The following CNTNAP3B variants were observed in gnomAD, a reference collection of about 807,000 sequenced individuals.
CNTNAP3B encodes contactin-associated protein-like 3B.
Under a neutral mutation model 108.9 loss-of-function variants are expected in CNTNAP3B, and 25 were observed. The ratio of observed to expected loss-of-function variants is 0.23; its 90% confidence interval spans 0.17 to 0.32. The LOEUF is 0.32. CNTNAP3B is among the 10% of genes least tolerant of loss of function. The pLI, the probability that CNTNAP3B is intolerant of heterozygous loss-of-function variation, is 1.00. For missense variants in CNTNAP3B, 252 were observed against 1,210.4 expected, an observed-to-expected ratio of 0.21 and a Z score of 11.75; for synonymous variants, 103 against 473.4, an observed-to-expected ratio of 0.22 and a Z score of 10.16.
At position 42,129,122 on chromosome 9, in the gene CNTNAP3B, C is replaced by T. The variant is rs1277599133; in HGVS notation, c.-28G>A. The T allele has an allele frequency of 1.3e-6, 2 of 1,542,208 alleles. No homozygotes were observed. The highest frequency in any genetic ancestry group is 1.8e-5 in the Admixed American group (1 of 56,526). ...TCACTTCAGCCAGGCGCCCTGAGAC[C>T]CGGGCACGGCGACGGCCGCTCTGCG... On this transcript the variant is annotated 5_prime_UTR_variant, in exon 1 of 24. Coordinates refer to ENST00000377561, the MANE Select transcript of CNTNAP3B (RefSeq NM_001201380.3).
rs1169136329 is a variant in CNTNAP3B at position 42,072,345 on chromosome 9, C to CTA, written c.390+4522_390+4523dup. Among the ~76,000 whole-genome samples the CTA allele has an allele frequency of 8.3e-4, 82 of 98,340 alleles. 2 individuals are homozygous for CTA. The highest frequency in any genetic ancestry group is 3.6e-3 in the South Asian group (10 of 2,794). 64.5% of individuals were successfully genotyped at this position (98,340 alleles called of 152,430 possible). The stretch of plus-strand genomic sequence containing the variant: ...AAGGCCATTCCTATTACTACTACTA[C>CTA]TATATATATATATACATACACACAC... On this transcript the variant is annotated intron_variant, in intron 3 of 23. Transcript: ENST00000377561.
chr9:42,111,494 A>G (rs1828192754), intron 1 of CNTNAP3B, among the ~76,000 whole-genome samples: 1 of 138,506 alleles, frequency 7.2e-6, no homozygotes, highest in East Asian at 2.2e-4. Context: ...GCCTGAAGCT[A>G]AGGCATAGAC....
At chr9:42,018,815 C>A (rs1166183283) in intron 3 of CNTNAP3B, among the ~76,000 whole-genome samples, 1 of 151,886 alleles carries the variant, frequency 6.6e-6, no homozygotes, top group Non-Finnish European at 1.5e-5. Flanking sequence ...GCAAGATACT[C>A]AACCATGCGG....
chr9:41,939,876 G>A (rs1193070387), intron 13 of CNTNAP3B, among the ~76,000 whole-genome samples: 1 of 152,014 alleles, frequency 6.6e-6, no homozygotes, highest in Non-Finnish European at 1.5e-5. Flanking sequence ...CAAGTATAAT[G>A]ATAGATTCTG....
At chr9:42,061,421 A>T (rs1827177156) in intron 3 of CNTNAP3B, among the ~76,000 whole-genome samples, 1 of 132,874 alleles carries the variant, frequency 7.5e-6, no homozygotes, top group Non-Finnish European at 1.6e-5. Context: ...GGGCTCAAGC[A>T]ATTCCCCTAC....
At chr9:41,964,269 C>A (rs1212179371) in intron 11 of CNTNAP3B, among the ~76,000 whole-genome samples, 5 of 151,954 alleles carry the variant, frequency 3.3e-5, no homozygotes, top group South Asian at 2.1e-4. Flanking sequence ...TAGTTTCTAC[C>A]TTTTACTATA....
intron 2 of CNTNAP3B, among the ~76,000 whole-genome samples, chr9:42,100,177 C>T (rs553513677): frequency 0.062 from 4,095 of 66,556 alleles, 1,331 homozygotes; most frequent in African/African-American, 0.2. Context: ...CAAATACTTG[C>T]CCTTTCTCTC....
At position 42,077,096 on chromosome 9, in the gene CNTNAP3B, G is replaced by T. The variant is rs754491457; in HGVS notation, c.197-34C>A. The T allele has an allele frequency of 3.9e-6, 6 of 1,531,618 alleles. 1 individual carries two copies. Among genetic ancestry groups the T allele is most frequent in the Non-Finnish European group, 5.3e-6 (6 of 1,134,970 alleles). 94.9% of individuals were successfully genotyped at this position (1,531,618 alleles called of 1,614,324 possible). On this transcript the variant is annotated intron_variant, in intron 2 of 23. Transcript: ENST00000377561. ...AAACAGAAAAAGTATAAAAATGGTA[G>T]AGGAGGAAGTTATTTAACATAGCTG...
chr9:42,054,685 C>T (rs1399764905), intron 3 of CNTNAP3B, among the ~76,000 whole-genome samples: 1 of 151,846 alleles, frequency 6.6e-6, no homozygotes, highest in Non-Finnish European at 1.5e-5. Flanking sequence ...AAAAAAGACT[C>T]ATTAATTTAA....
chr9:42,030,294 A>T (rs1826488997), intron 3 of CNTNAP3B, among the ~76,000 whole-genome samples: 1 of 21,446 alleles, frequency 4.7e-5, no homozygotes, highest in East Asian at 1.8e-3. Flanking sequence ...ATTTTCTTTT[A>T]GAATAGTGCT....
intron 3 of CNTNAP3B, among the ~76,000 whole-genome samples, chr9:42,054,469 C>T (rs1827018046): frequency 6.6e-6 from 1 of 151,634 alleles, no homozygotes; most frequent in South Asian, 2.1e-4. Flanking sequence ...ATTCCACATC[C>T]ACCCTGCATT....
intron 2 of CNTNAP3B, among the ~76,000 whole-genome samples, chr9:42,088,370 C>A (rs1417421760): frequency 2.2e-5 from 3 of 135,814 alleles, no homozygotes; most frequent in African/African-American, 5.9e-5. Flanking sequence ...GAGAATCAGA[C>A]CAGCCAAATA....
chr9:41,927,714 T>C (rs1311797439), intron 15 of CNTNAP3B, among the ~76,000 whole-genome samples: 2 of 152,280 alleles, frequency 1.3e-5, no homozygotes, highest in African/African-American at 4.8e-5. Flanking sequence ...GAAAAGATGA[T>C]TTTTAAGGAA....
At chr9:41,973,088 C>T (rs1825453575) in intron 9 of CNTNAP3B, among the ~76,000 whole-genome samples, 1 of 139,986 alleles carries the variant, frequency 7.1e-6, no homozygotes, top group Admixed American at 7.1e-5. Flanking sequence ...CAGACACGCA[C>T]CACCATGCCC....
At chr9:42,029,258 G>C (rs1246412613) in intron 3 of CNTNAP3B, among the ~76,000 whole-genome samples, 1 of 109,738 alleles carries the variant, frequency 9.1e-6, no homozygotes, top group Admixed American at 9.3e-5. Context: ...ACCTGATGGA[G>C]TAATTAAACA....
At chr9:41,932,764 C>A (rs1265603990) in intron 14 of CNTNAP3B, among the ~76,000 whole-genome samples, 4 of 151,970 alleles carry the variant, frequency 2.6e-5, no homozygotes, top group Non-Finnish European at 5.9e-5. Flanking sequence ...ATGATCTGCC[C>A]GCCTTGGCCT....
At chr9:41,931,696 T>C (rs943785350) in intron 14 of CNTNAP3B, among the ~76,000 whole-genome samples, 1 of 150,508 alleles carries the variant, frequency 6.6e-6, no homozygotes, top group African/African-American at 2.5e-5. Flanking sequence ...GGACTGATGG[T>C]AGACAAGCTA....
intron 14 of CNTNAP3B, among the ~76,000 whole-genome samples, chr9:41,936,043 C>G (rs1360035350): frequency 6.6e-6 from 1 of 152,344 alleles, no homozygotes; most frequent in Non-Finnish European, 1.5e-5. Context: ...AAAGTATGCA[C>G]TTAATACTAA....
chr9:41,919,245 C>T (rs1823602931), intron 18 of CNTNAP3B, among the ~76,000 whole-genome samples: 1 of 152,210 alleles, frequency 6.6e-6, no homozygotes, highest in South Asian at 2.1e-4. Flanking sequence ...AGCAATTCTC[C>T]TGCCTCAGCC....
Sources: allele counts gnomAD v4.1 joint callset (sites outside exome capture counted in the v4.1 genomes callset), GRCh38; gene constraint gnomAD v4.1.1; transcripts MANE v1.5; gene names NCBI Gene and HGNC (gene_info 2026-07-23, HGNC 2026-07-21).